Variants in CD302 observed in about 807,000 individuals in gnomAD.
The protein encoded by CD302 is CD302 antigen.
Under a neutral mutation model 26.5 loss-of-function variants are expected in CD302, and 23 were observed. The observed-to-expected ratio is 0.87, with a 90% confidence interval of 0.62 to 1.23. CD302 has a LOEUF of 1.23. Ranked by LOEUF, CD302 falls within the 50% of genes most tolerant of loss-of-function variation. The pLI, the probability that CD302 is intolerant of heterozygous loss-of-function variation, is 0.00. For missense variants in CD302, 290 were observed against 275.5 expected (o/e 1.05, Z -0.37); for synonymous variants, 90 against 99.4 (o/e 0.91, Z 0.56).
In CD302 at chr2:159,780,899, A is replaced by G. The variant is rs991948170; in HGVS notation, c.278T>C (p.Met93Thr). The G allele has an allele frequency of 6.2e-7, 1 of 1,612,898 alleles. No individual in the cohort carries two copies. Among genetic ancestry groups the G allele is most frequent in the African/African-American group, 1.3e-5 (1 of 74,866 alleles). Reference protein sequence around the residue: ...WKGPDDILLGMFYDTDDASFK... With the variant: ...WKGPDDILLGTFYDTDDASFK... ...TCACTTACCATCTGTGTCATAAAAC[A>G]TGCCTAGTAGGATATCATCTGGGCC... is the stretch of plus-strand genomic sequence containing the variant. Residue 93 changes from methionine (M) to threonine (T), a missense_variant, in exon 3 of 6, where the codon ATG (methionine) becomes ACG (threonine). Transcript: ENST00000259053.
intron 1 of CD302, among the ~76,000 whole-genome samples, chr2:159,790,244 T>C (rs180682007): frequency 2.5e-4 from 38 of 152,210 alleles, no homozygotes; most frequent in African/African-American, 8.9e-4. Flanking sequence ...GAAGGTAGGA[T>C]AGGTAAAATG....
At chr2:159,793,187 T>C (rs888612217) in intron 1 of CD302, among the ~76,000 whole-genome samples, 24 of 152,224 alleles carry the variant, frequency 1.6e-4, no homozygotes, top group African/African-American at 5.5e-4. Context: ...AATAATGCAC[T>C]TAAATGACTC....
At chr2:159,793,911 C>T (rs1183069283) in intron 1 of CD302, among the ~76,000 whole-genome samples, 1 of 152,052 alleles carries the variant, frequency 6.6e-6, no homozygotes, top group Non-Finnish European at 1.5e-5. Flanking sequence ...CTGTACCTTT[C>T]TCTTTGGGCA....
chr2:159,782,450 T>A (rs1708546048), intron 2 of CD302, among the ~76,000 whole-genome samples: 1 of 147,778 alleles, frequency 6.8e-6, no homozygotes, highest in South Asian at 2.2e-4. Flanking sequence ...GACATTTTTT[T>A]GGCTGGATGC....
chr2:159,777,987 A>G (rs1708389165), intron 4 of CD302, 23 bp from the exon 5 acceptor site: 1 of 909,730 alleles, frequency 1.1e-6, no homozygotes, highest in Non-Finnish European at 1.6e-6. Context: ...AGAAAATAAA[A>G]ATTAGAATTT....
chr2:159,780,211 C>T, intron 3 of CD302, 33 bp from the exon 4 acceptor site: 1 of 1,606,542 alleles, frequency 6.2e-7, no homozygotes, highest in Non-Finnish European at 8.5e-7. Flanking sequence ...AACATTATGA[C>T]AGTTTTAAAA....
At chr2:159,774,868 C>CTT (rs150458397) in intron 5 of CD302, among the ~76,000 whole-genome samples, 9,835 of 152,274 alleles carry the variant, frequency 0.065, 398 homozygotes, top group Non-Finnish European at 0.093. Context: ...GGCAGCTACA[C>CTT]TTAACTGTTG....
At chr2:159,776,736 ACT>A (rs914179821) in intron 5 of CD302, among the ~76,000 whole-genome samples, 5 of 118,078 alleles carry the variant, frequency 4.2e-5, no homozygotes, top group South Asian at 2.6e-4. Flanking sequence ...AGATGGAGTC[ACT>A]CTGTCGCCGA....
intron 2 of CD302, 151 bp from the exon 3 acceptor site, chr2:159,781,149 A>C: frequency 1.5e-6 from 1 of 646,192 alleles, no homozygotes; most frequent in Non-Finnish European, 2.6e-6. Context: ...CAAGCTAATA[A>C]GGTTACAGGG....
At chr2:159,777,247 A>AAGAT (rs540988079) in intron 5 of CD302, among the ~76,000 whole-genome samples, 130 of 152,328 alleles carry the variant, frequency 8.5e-4, no homozygotes, top group African/African-American at 2.9e-3. Flanking sequence ...CTTTTCACAA[A>AAGAT]AGATATACAA....
Position 159,771,654 on chromosome 2 carries a change from T to C in CD302, c.*197A>G. The C allele has an allele frequency of 1.7e-6, 1 of 598,894 alleles. No individual in the cohort carries two copies. The highest frequency in any genetic ancestry group is 2.8e-6 in the Non-Finnish European group (1 of 358,372). 37.1% of individuals were successfully genotyped at this position (598,894 alleles called of 1,614,324 possible). A position where few individuals can be genotyped will look rare whatever the true frequency, so the allele number is the denominator to read the frequency against. On this transcript the variant is annotated 3_prime_UTR_variant, in exon 6 of 6. Transcript: ENST00000259053. ...GGATGCTTAAAATCACTATATTAGATCTAAGATCATTTCTAAAACCTGTTT... is the reference window on the plus strand; with the variant it reads ...GGATGCTTAAAATCACTATATTAGACCTAAGATCATTTCTAAAACCTGTTT...
At chr2:159,786,188 T>C (rs1010510509) in intron 1 of CD302, among the ~76,000 whole-genome samples, 3 of 152,184 alleles carry the variant, frequency 2.0e-5, no homozygotes, top group Non-Finnish European at 4.4e-5. Flanking sequence ...TCTTGGATTA[T>C]AATAGGGACT....
Position 159,769,367 on chromosome 2 carries a change from G to A in CD302, c.*2484C>T, listed in dbSNP as rs868321257. On this transcript the variant is annotated 3_prime_UTR_variant, in exon 6 of 6. Transcript: ENST00000259053. ...TATATAAAGAAAAAATGTAGGCCAA[G>A]TGTGGTGGCTCACGCATGTAATCCC... 2 of 152,248 alleles carry A rather than the reference G, an allele frequency of 1.3e-5. No individual in the cohort carries two copies. Among genetic ancestry groups the A allele is most frequent in the South Asian group, 4.1e-4 (2 of 4,824 alleles). The allele number at this position is 152,248 out of a possible 1,614,324, so 9.4% of individuals were successfully genotyped here.
At chr2:159,790,438 G>A (rs1016871603) in intron 1 of CD302, among the ~76,000 whole-genome samples, 1 of 152,104 alleles carries the variant, frequency 6.6e-6, no homozygotes, top group African/African-American at 2.4e-5. Flanking sequence ...ACCTAGTAAG[G>A]TCTCCATAAA....
chr2:159,782,161 G>A (rs1409443146), intron 2 of CD302, among the ~76,000 whole-genome samples: 1 of 151,834 alleles, frequency 6.6e-6, no homozygotes, highest in Non-Finnish European at 1.5e-5. Context: ...TCAGCTACTC[G>A]GGAGGCTGAG....
intron 2 of CD302, chr2:159,781,656 AG>A (rs980611850): frequency 1.3e-5 from 2 of 152,066 alleles, no homozygotes; most frequent in African/African-American, 4.8e-5. Context: ...AAATAGTTGC[AG>A]GGGAAAACTT....
At position 159,771,974 on chromosome 2, in the gene CD302, C is replaced by T. The variant is rs1708161032; in HGVS notation, c.576G>A (p.Leu192=). 2.5e-6 allele frequency: 4 copies of T among 1,613,950 alleles called. No individual in the cohort carries two copies. Among genetic ancestry groups the T allele is most frequent in the Non-Finnish European group, 2.5e-6 (3 of 1,179,934 alleles). Residue 192 remains leucine, a synonymous_variant, in exon 6 of 6, where the codon CTG becomes CTA. Coordinates refer to ENST00000259053, the MANE Select transcript of CD302 (RefSeq NM_014880.5). ...LTVLGAIIWF[L]YKKHSDSRFT... ...AACGAGAATCAGAATGTTTTTTGTA[C>T]AGGAACCAAATGATTGCTCCCAAAA...
rs917623706 is a variant in CD302 at position 159,770,872 on chromosome 2, C to T, written c.*979G>A. 2 of 152,074 alleles carry T rather than the reference C, an allele frequency of 1.3e-5. No individual in the cohort carries two copies. The highest frequency in any genetic ancestry group is 1.9e-4 in the East Asian group (1 of 5,198). 9.4% of individuals were successfully genotyped at this position (152,074 alleles called of 1,614,324 possible). A position where few individuals can be genotyped will look rare whatever the true frequency, so the allele number is the denominator to read the frequency against. On this transcript the variant is annotated 3_prime_UTR_variant, in exon 6 of 6. Transcript: ENST00000259053. ...TGATAAGTGATACGTGACTAATTTA[C>T]GTGAAATTTATACATTCTTTATCTT...
intron 5 of CD302, among the ~76,000 whole-genome samples, chr2:159,776,121 G>A (rs528110904): frequency 1.3e-5 from 2 of 149,178 alleles, no homozygotes; most frequent in South Asian, 4.2e-4. Flanking sequence ...CCAAAGTGCT[G>A]GGATTACAGG....
Sources: gnomAD v4.1 joint callset for allele counts (sites outside exome capture counted in the v4.1 genomes callset) on GRCh38, gnomAD v4.1.1 for gene constraint, MANE v1.5 for transcripts, NCBI Gene and HGNC (gene_info 2026-07-23, HGNC 2026-07-21) for gene names.